Variants in GALNT17 observed in about 807,000 individuals in gnomAD.
GALNT17 encodes the protein UDP-GalNAc:polypeptide N-acetylgalactosaminyltransferase-like 3.
A neutral mutation model predicts 63.7 loss-of-function variants in GALNT17; 29 were observed. The observed-to-expected ratio is 0.46, with a 90% confidence interval of 0.34 to 0.62. GALNT17 has a LOEUF of 0.62. GALNT17 is among the 20% of genes least tolerant of loss of function. The probability of loss-of-function intolerance (pLI) is 0.01; values close to 1 mark genes in which losing one functional copy is unlikely to be tolerated. For missense variants in GALNT17, 603 were observed against 799.6 expected (o/e 0.75, Z 2.97); for synonymous variants, 305 against 318.3 (o/e 0.96, Z 0.45).
intron 6 of GALNT17, among the ~76,000 whole-genome samples, chr7:71,577,119 C>G (rs1046744645): frequency 4.6e-5 from 7 of 152,144 alleles, no homozygotes; most frequent in African/African-American, 1.4e-4. Flanking sequence ...GAACAGAAAA[C>G]CGAATACCAC....
At chr7:71,497,660 C>T (rs12112016) in intron 5 of GALNT17, among the ~76,000 whole-genome samples, 4,458 of 152,280 alleles carry the variant, frequency 0.029, 211 homozygotes, top group African/African-American at 0.1. Flanking sequence ...AAATGTAAGT[C>T]CACTGTGTGC....
At chr7:71,329,828 A>G (rs1307636550) in intron 1 of GALNT17, among the ~76,000 whole-genome samples, 4 of 152,024 alleles carry the variant, frequency 2.6e-5, no homozygotes, top group Non-Finnish European at 2.9e-5. Flanking sequence ...GATTTGGGTA[A>G]GGAGACAGAG....
chr7:71,336,547 A>G (rs1340252284), intron 2 of GALNT17, among the ~76,000 whole-genome samples: 1 of 151,914 alleles, frequency 6.6e-6, no homozygotes, highest in African/African-American at 2.4e-5. Flanking sequence ...CTTTATGTCC[A>G]TGTGTACTCG....
At chr7:71,389,703 C>T (rs1358053877) in intron 3 of GALNT17, among the ~76,000 whole-genome samples, 2 of 152,116 alleles carry the variant, frequency 1.3e-5, no homozygotes, top group African/African-American at 4.8e-5. Context: ...ACCCCGCACC[C>T]CATCTTTGTT....
intron 5 of GALNT17, among the ~76,000 whole-genome samples, chr7:71,565,123 C>A (rs991786472): frequency 6.6e-6 from 1 of 152,016 alleles, no homozygotes; most frequent in Non-Finnish European, 1.5e-5. Context: ...AAAAATTAGC[C>A]GGGCATGGTG....
intron 3 of GALNT17, among the ~76,000 whole-genome samples, chr7:71,395,288 C>T (rs80278800): frequency 0.025 from 3,745 of 152,210 alleles, 73 homozygotes; most frequent in Non-Finnish European, 0.04. Context: ...TTTTCTGTTA[C>T]GATAAATTTG....
intron 1 of GALNT17, among the ~76,000 whole-genome samples, chr7:71,217,303 G>A (rs1203819960): frequency 6.6e-6 from 1 of 151,198 alleles, no homozygotes; most frequent in African/African-American, 2.4e-5. Context: ...TTTTAACTTT[G>A]TATTTTTGGC....
intron 5 of GALNT17, among the ~76,000 whole-genome samples, chr7:71,480,999 CA>C (rs1787808285): frequency 6.6e-6 from 1 of 152,228 alleles, no homozygotes; most frequent in Non-Finnish European, 1.5e-5. Flanking sequence ...CATAATAAGA[CA>C]AACAGACCAC....
chr7:71,429,573 C>T (rs1786821950), intron 5 of GALNT17, among the ~76,000 whole-genome samples: 1 of 152,206 alleles, frequency 6.6e-6, no homozygotes, highest in Admixed American at 6.5e-5. Context: ...GATAAGATCT[C>T]ACTCTGTTGC....
chr7:71,499,677 C>G (rs1027798598), intron 5 of GALNT17, among the ~76,000 whole-genome samples: 1 of 152,178 alleles, frequency 6.6e-6, no homozygotes, highest in Non-Finnish European at 1.5e-5. Context: ...AATGCACTCC[C>G]GATTTCTCTT....
chr7:71,675,924 G>T (rs537655355), intron 8 of GALNT17, among the ~76,000 whole-genome samples: 2 of 152,302 alleles, frequency 1.3e-5, no homozygotes, highest in African/African-American at 2.4e-5. Context: ...GGAGGTGGAG[G>T]TTGCAGTGAG....
At chr7:71,366,742 G>A (rs892207013) in intron 2 of GALNT17, among the ~76,000 whole-genome samples, 2 of 152,060 alleles carry the variant, frequency 1.3e-5, no homozygotes, top group Non-Finnish European at 2.9e-5. Flanking sequence ...AGATTCTGCC[G>A]ACTTGCTCTC....
chr7:71,148,696 T>G (rs1163681896), intron 1 of GALNT17, among the ~76,000 whole-genome samples: 10 of 151,970 alleles, frequency 6.6e-5, no homozygotes, highest in African/African-American at 9.7e-5. Flanking sequence ...TTTTGTCTGT[T>G]AAGACATTTT....
rs55717953 is a variant in GALNT17, at chr7:71,458,792, C to T, written c.962+37687C>T. On this transcript the variant is annotated intron_variant, in intron 5 of 10. Transcript: ENST00000333538. ...AGCTGAACTCCTCTCCATGTTCAGA[C>T]GCTCCTTCTTTTCTCTCATTCTCTG... Among the ~76,000 whole-genome samples, 732 of 152,244 alleles carry T rather than the reference C, an allele frequency of 4.8e-3. 3 individuals are homozygous for T. Among genetic ancestry groups the T allele is most frequent in the Non-Finnish European group, 7.2e-3 (489 of 68,010 alleles).
At chr7:71,370,763 G>T (rs532225838) in intron 2 of GALNT17, among the ~76,000 whole-genome samples, 1 of 151,698 alleles carries the variant, frequency 6.6e-6, no homozygotes, top group Non-Finnish European at 1.5e-5. Context: ...CCACCACCGC[G>T]CCTGGCCCTT....
intron 3 of GALNT17, among the ~76,000 whole-genome samples, chr7:71,393,907 G>A (rs1291065972): frequency 2.0e-5 from 3 of 152,038 alleles, no homozygotes; most frequent in Non-Finnish European, 1.5e-5. Context: ...AGATCTTTTG[G>A]CACCATCTGA....
intron 5 of GALNT17, among the ~76,000 whole-genome samples, chr7:71,511,327 A>G (rs1003041041): frequency 2.0e-5 from 3 of 152,162 alleles, no homozygotes; most frequent in African/African-American, 7.2e-5. Context: ...AGTGTGGGTA[A>G]TAGGGGTTGA....
chr7:71,332,935 A>G (rs6954049), intron 1 of GALNT17, among the ~76,000 whole-genome samples: 98,482 of 152,042 alleles, frequency 0.65, 32,291 homozygotes, highest in African/African-American at 0.75. Flanking sequence ...TGATCCGCCC[A>G]CCTCAGCCTC....
chr7:71,234,516 G>A (rs1172322752), intron 1 of GALNT17, among the ~76,000 whole-genome samples: 1 of 151,978 alleles, frequency 6.6e-6, no homozygotes, highest in Non-Finnish European at 1.5e-5. Context: ...AGCCCACTTC[G>A]GCCTCCCAAA....
Sources: allele counts gnomAD v4.1 joint callset (sites outside exome capture counted in the v4.1 genomes callset), GRCh38; gene constraint gnomAD v4.1.1; transcripts MANE v1.5; gene names NCBI Gene and HGNC (gene_info 2026-07-23, HGNC 2026-07-21).